Variants in PFKFB2 observed in about 807,000 individuals in gnomAD.
The protein encoded by PFKFB2 is 6-phosphofructo-2-kinase/fructose-2,6-bisphosphatase 2.
In PFKFB2, 53 loss-of-function variants were observed where a neutral mutation model predicts 68.0. The observed-to-expected ratio is 0.78, with a 90% confidence interval of 0.63 to 0.98. The LOEUF (loss-of-function observed/expected upper bound fraction) is 0.98. PFKFB2 is among the 50% of genes least tolerant of loss of function. The pLI is 0.00. For missense variants in PFKFB2, 451 were observed against 642.0 expected, an observed-to-expected ratio of 0.70 and a Z score of 3.22; for synonymous variants, 222 against 227.6, an observed-to-expected ratio of 0.98 and a Z score of 0.22.
intron 8 of PFKFB2, among the ~76,000 whole-genome samples, chr1:207,065,796 G>A (rs1458354245): frequency 6.6e-6 from 1 of 151,996 alleles, no homozygotes; most frequent in Non-Finnish European, 1.5e-5. Flanking sequence ...AGCTTCCCTG[G>A]GCTTTGCCCA....
intron 2 of PFKFB2, among the ~76,000 whole-genome samples, chr1:207,042,956 G>C (rs1346964225): frequency 6.6e-6 from 1 of 151,994 alleles, no homozygotes; most frequent in Non-Finnish European, 1.5e-5. Context: ...AGCCATAAGA[G>C]ATCTCTCGCA....
chr1:207,073,499 T>G lies in PFKFB2; in HGVS notation c.*1128T>G. 1 of 985,396 alleles carries G rather than the reference T, an allele frequency of 1.0e-6. No individual in the cohort carries two copies. The highest frequency in any genetic ancestry group is 1.2e-6 in the Non-Finnish European group (1 of 829,880). 61.0% of individuals were successfully genotyped at this position (985,396 alleles called of 1,614,324 possible). ...ATTTTTGAATAATTTCAGCACACTG[T>G]CCTTAAGAAGAAAGAAACATCAAAA... is the stretch of plus-strand genomic sequence containing the variant. On this transcript the variant is annotated 3_prime_UTR_variant, in exon 15 of 15. Transcript: ENST00000367080.
intron 3 of PFKFB2, 97 bp from the exon 4 acceptor site, chr1:207,062,523 T>A (rs1683149335): frequency 6.5e-7 from 1 of 1,529,486 alleles, no homozygotes; most frequent in South Asian, 1.3e-5. Context: ...GCTTTTTTCA[T>A]CCCCTTGGTC....
At position 207,076,447 on chromosome 1, in the gene PFKFB2, T is replaced by C. The variant is rs10494893; in HGVS notation, c.*4076T>C. On this transcript the variant is annotated 3_prime_UTR_variant, in exon 15 of 15. Transcript: ENST00000367080. ...GTTCATTGTTAAGAAATTTGATAGA[T>C]TTACCCAGCTTTTCTATGTATTTTG... 0.013 allele frequency: 12,568 copies of C among 985,212 alleles called. 1,084 individuals are homozygous for C. The African/African-American group carries it at 0.19, about 15-fold the overall frequency. 61.0% of individuals were successfully genotyped at this position (985,212 alleles called of 1,614,324 possible). A position where few individuals can be genotyped will look rare whatever the true frequency, so the allele number is the denominator to read the frequency against.
At chr1:207,039,121 G>A (rs1050234883) in intron 1 of PFKFB2, among the ~76,000 whole-genome samples, 1 of 152,186 alleles carries the variant, frequency 6.6e-6, no homozygotes, top group African/African-American at 2.4e-5. Context: ...GTTAAAGGAT[G>A]AACCTAATGA....
At chr1:207,079,044 T>A, downstream of PFKFB2, 1 of 1,586,810 alleles carries the variant, frequency 6.3e-7, no homozygotes, top group Non-Finnish European at 8.6e-7. Flanking sequence ...AGGCCTCACC[T>A]CTCCAAACGA....
intron 11 of PFKFB2, among the ~76,000 whole-genome samples, 185 bp downstream of exon 11, chr1:207,069,713 G>A (rs1683410111): frequency 6.6e-6 from 1 of 152,134 alleles, no homozygotes; most frequent in Admixed American, 6.5e-5. Flanking sequence ...GATTCCCAGG[G>A]ATAAGGGTGA....
chr1:207,079,820 A>G (rs3748672), downstream of PFKFB2: 90,829 of 152,152 alleles, frequency 0.6, 27,523 homozygotes, highest in East Asian at 0.89. Flanking sequence ...CATTTATATC[A>G]CGTGAGTAAG....
upstream of PFKFB2, chr1:207,049,523 T>C (rs746394478): frequency 1.9e-6 from 3 of 1,614,172 alleles, no homozygotes; most frequent in Non-Finnish European, 2.5e-6. Flanking sequence ...AGGCGTCTCA[T>C]CTCAGGGGCA....
At chr1:207,065,952 G>A (rs534585007) in intron 8 of PFKFB2, among the ~76,000 whole-genome samples, 21 of 152,258 alleles carry the variant, frequency 1.4e-4, no homozygotes, top group African/African-American at 4.8e-4. Flanking sequence ...TTGGAGATGT[G>A]TCATCAGTTT....
chr1:207,052,401 C>A (rs886443492), upstream of PFKFB2: 4 of 573,208 alleles, frequency 7.0e-6, no homozygotes, highest in Non-Finnish European at 9.3e-6. Context: ...GTGGCTCACA[C>A]CTGTAATCCC....
upstream of PFKFB2, chr1:207,052,122 C>A: frequency 1.4e-6 from 2 of 1,470,308 alleles, no homozygotes; most frequent in South Asian, 1.2e-5. Context: ...GTGGGTTTAT[C>A]AAGCATCAAA....
intron 2 of PFKFB2, among the ~76,000 whole-genome samples, chr1:207,057,553 A>G (rs1445649905): frequency 6.7e-6 from 1 of 148,310 alleles, no homozygotes; most frequent in African/African-American, 2.5e-5. Flanking sequence ...TTTTTTGAGT[A>G]GTTCTGGAAC....
intron 8 of PFKFB2, among the ~76,000 whole-genome samples, chr1:207,065,658 G>T (rs1024646346): frequency 6.6e-6 from 1 of 152,060 alleles, no homozygotes; most frequent in African/African-American, 2.4e-5. Flanking sequence ...GGCTGGAAGT[G>T]TTTTTTATCA....
At chr1:207,050,684 T>C, upstream of PFKFB2, 1 of 1,613,084 alleles carries the variant, frequency 6.2e-7, no homozygotes, top group Non-Finnish European at 8.5e-7. Context: ...CCCTGATTCC[T>C]TACCAGATTG....
intron 4 of PFKFB2, 110 bp downstream of exon 4, chr1:207,062,826 A>C: frequency 9.1e-7 from 1 of 1,099,744 alleles, no homozygotes; most frequent in Non-Finnish European, 1.3e-6. Flanking sequence ...GGGGAAGTTA[A>C]ATGGAAGTTA....
chr1:207,069,724 C>A lies in PFKFB2; in HGVS notation c.1092+196C>A, dbSNP rs139022558. 5.8e-4 allele frequency among the ~76,000 whole-genome samples: 88 copies of A among 152,282 alleles called. 2 individuals are homozygous for A. In the East Asian group the frequency reaches 0.016, roughly 27 times the overall value. On this transcript the variant is annotated intron_variant, in intron 11 of 14. Coordinates refer to ENST00000367080, the MANE Select transcript of PFKFB2 (RefSeq NM_006212.2). ...TTAAGATTCCCAGGGATAAGGGTGA[C>A]AAGGCATCCTCTGTTCAGTATGTTT...
At chr1:207,051,064 A>C (rs1028026619), upstream of PFKFB2, 24 of 1,470,566 alleles carry the variant, frequency 1.6e-5, no homozygotes, top group Non-Finnish European at 2.2e-5. Context: ...AGTTATCGCG[A>C]CGCTTCGGTG....
At position 207,072,366 on chromosome 1, in the gene PFKFB2, G is replaced by C. The variant is rs755589744; in HGVS notation, c.1513G>C (p.Asp505His). The part of the protein sequence containing the change: ...LRAQDMQEGA[D>H] ...TGCCCAGGACATGCAAGAAGGGGCC[G>C]ACTAGCCGAAGACCCAAGTCAGCAT... The change falls in exon 15 of 15, where the codon GAC (aspartate) becomes CAC (histidine). Residue 505 changes from aspartate to histidine, a missense_variant. Physicochemically the swap from Asp to His is moderately conservative, Grantham distance 81. Transcript: ENST00000367080. The C allele has an allele frequency of 1.2e-6, 2 of 1,612,712 alleles. No individual in the cohort carries two copies. Among genetic ancestry groups the C allele is most frequent in the Admixed American group, 1.7e-5 (1 of 59,718 alleles).
Sources: gnomAD v4.1 joint callset for allele counts (sites outside exome capture counted in the v4.1 genomes callset) on GRCh38, gnomAD v4.1.1 for gene constraint, MANE v1.5 for transcripts, NCBI Gene and HGNC (gene_info 2026-07-23, HGNC 2026-07-21) for gene names.